Variants in PDE3A observed in about 807,000 individuals in gnomAD.
PDE3A encodes the protein phosphodiesterase 3A.
Under a neutral mutation model 98.3 loss-of-function variants are expected in PDE3A, and 43 were observed. The ratio of observed to expected loss-of-function variants is 0.44; its 90% confidence interval spans 0.34 to 0.56. PDE3A has a LOEUF of 0.56. Among genes scored for constraint, PDE3A ranks in the 20% least tolerant of loss-of-function variants. PDE3A has a pLI of 0.01. For synonymous variants in PDE3A, 663 were observed against 567.9 expected (o/e 1.17, Z -2.38); for missense variants, 1,427 against 1,440.7 (o/e 0.99, Z 0.15).
intron 1 of PDE3A, among the ~76,000 whole-genome samples, chr12:20,386,042 A>C (rs1943762399): frequency 1.2e-5 from 1 of 80,120 alleles, no homozygotes; most frequent in African/African-American, 5.8e-5. Flanking sequence ...TATATATAAA[A>C]TATATATAAA....
chr12:20,376,037 G>A (rs891211053), intron 1 of PDE3A, among the ~76,000 whole-genome samples: 16 of 151,858 alleles, frequency 1.1e-4, no homozygotes, highest in African/African-American at 3.9e-4. Flanking sequence ...TTTGAAAATG[G>A]AAATTACTTT....
chr12:20,577,196 C>T (rs752308430), intron 2 of PDE3A, among the ~76,000 whole-genome samples: 2 of 151,906 alleles, frequency 1.3e-5, no homozygotes, highest in Admixed American at 6.6e-5. Flanking sequence ...AGCCAAGTTA[C>T]ATGAATAGGT....
intron 1 of PDE3A, among the ~76,000 whole-genome samples, chr12:20,483,548 C>A (rs1945670449): frequency 6.6e-6 from 1 of 152,204 alleles, no homozygotes; most frequent in East Asian, 1.9e-4. Flanking sequence ...TGAATTAGAA[C>A]TTTGACTTTT....
At chr12:20,519,437 C>T (rs1490804675) in intron 1 of PDE3A, among the ~76,000 whole-genome samples, 2 of 152,088 alleles carry the variant, frequency 1.3e-5, no homozygotes, top group East Asian at 3.9e-4. Context: ...ATATATATCT[C>T]AATTTTGATA....
At chr12:20,630,203 C>A in intron 6 of PDE3A, 76 bp downstream of exon 6, 1 of 1,071,858 alleles carries the variant, frequency 9.3e-7, no homozygotes, top group Non-Finnish European at 1.4e-6. Context: ...TACCACCAGC[C>A]CACGCAGCTT....
intron 15 of PDE3A, among the ~76,000 whole-genome samples, chr12:20,659,957 G>A (rs531584392): frequency 6.6e-6 from 1 of 152,228 alleles, no homozygotes; most frequent in African/African-American, 2.4e-5. Flanking sequence ...CAAAAGTAAA[G>A]AGAAAAGTCC....
chr12:20,434,295 T>C (rs1348481885), intron 1 of PDE3A, among the ~76,000 whole-genome samples: 2 of 152,144 alleles, frequency 1.3e-5, no homozygotes, highest in Non-Finnish European at 2.9e-5. Flanking sequence ...GGAACATACA[T>C]TTGCAATGTT....
chr12:20,527,947 A>C (rs1946555758), intron 1 of PDE3A, among the ~76,000 whole-genome samples: 1 of 152,052 alleles, frequency 6.6e-6, no homozygotes, highest in Non-Finnish European at 1.5e-5. Flanking sequence ...CAAAACTCAA[A>C]AAACTTTCTC....
intron 15 of PDE3A, among the ~76,000 whole-genome samples, chr12:20,672,380 G>A (rs528389037): frequency 0.045 from 3,914 of 87,062 alleles, 133 homozygotes; most frequent in African/African-American, 0.11. Context: ...AAAAGAGCCC[G>A]CATCGCCAAG....
intron 10 of PDE3A, among the ~76,000 whole-genome samples, chr12:20,645,485 A>C (rs1459110683): frequency 6.6e-6 from 1 of 152,054 alleles, no homozygotes; most frequent in African/African-American, 2.4e-5. Context: ...GAAGAAATGT[A>C]ATCTCTTATA....
At chr12:20,500,777 T>TA (rs1946009520) in intron 1 of PDE3A, among the ~76,000 whole-genome samples, 1 of 151,004 alleles carries the variant, frequency 6.6e-6, no homozygotes, top group Admixed American at 6.6e-5. Context: ...TCTTTTTTTT[T>TA]TTTTTTTTGA....
chr12:20,490,301 C>A (rs1461620655), intron 1 of PDE3A, among the ~76,000 whole-genome samples: 1 of 152,098 alleles, frequency 6.6e-6, no homozygotes, highest in Non-Finnish European at 1.5e-5. Flanking sequence ...TTTCCTTTAC[C>A]TAGCAGGAAA....
intron 1 of PDE3A, among the ~76,000 whole-genome samples, chr12:20,428,446 ATT>A (rs564314414): frequency 6.6e-6 from 1 of 151,372 alleles, no homozygotes; most frequent in African/African-American, 2.4e-5. Flanking sequence ...CGCCCGGCTA[ATT>A]TTTTTTGTAT....
chr12:20,370,145 G>A lies in PDE3A; in HGVS notation c.861G>A (p.Lys287=). Residue 287 remains lysine, a synonymous_variant, in exon 1 of 16, where the codon AAG becomes AAA. Transcript: ENST00000359062. ...CCAAGGAAGATATCCCGGTGTTTAA[G>A]AGGAGGAGGCGGTCCAGCTCCGTCG... ...AGTKEDIPVF[K]RRRRSSSVVS... is the part of the protein sequence containing the mutation. The A allele has an allele frequency of 2.5e-6, 4 of 1,613,462 alleles. No individual in the cohort carries two copies. The highest frequency in any genetic ancestry group is 3.4e-6 in the Non-Finnish European group (4 of 1,179,956).
At chr12:20,457,239 A>C (rs573725532) in intron 1 of PDE3A, among the ~76,000 whole-genome samples, 2 of 151,198 alleles carry the variant, frequency 1.3e-5, no homozygotes, top group South Asian at 4.1e-4. Context: ...ATTTATTGTT[A>C]TTATTATTAT....
chr12:20,615,295 T>C (rs946790282), intron 3 of PDE3A, among the ~76,000 whole-genome samples: 2 of 152,162 alleles, frequency 1.3e-5, no homozygotes, highest in Non-Finnish European at 2.9e-5. Flanking sequence ...TGATGCTACA[T>C]GTCCTGTTTA....
chr12:20,455,701 C>T (rs763052989), intron 1 of PDE3A, among the ~76,000 whole-genome samples: 2 of 152,142 alleles, frequency 1.3e-5, no homozygotes, highest in Non-Finnish European at 1.5e-5. Context: ...TAACCATAAA[C>T]AAACAGATAA....
chr12:20,418,276 C>T (rs1458634901), intron 1 of PDE3A, among the ~76,000 whole-genome samples: 1 of 152,140 alleles, frequency 6.6e-6, no homozygotes, highest in East Asian at 1.9e-4. Flanking sequence ...TGAGATAATG[C>T]ATGCATATTG....
intron 1 of PDE3A, among the ~76,000 whole-genome samples, chr12:20,491,233 G>A (rs1374181725): frequency 6.6e-6 from 1 of 152,224 alleles, no homozygotes; most frequent in African/African-American, 2.4e-5. Context: ...ACATCTAGCA[G>A]TGCAGGCTTT....
Sources: gnomAD v4.1 joint callset for allele counts (sites outside exome capture counted in the v4.1 genomes callset) on GRCh38, gnomAD v4.1.1 for gene constraint, MANE v1.5 for transcripts, NCBI Gene and HGNC (gene_info 2026-07-23, HGNC 2026-07-21) for gene names.